ADGRB3: variants seen among roughly 807,000 people sequenced by gnomAD.
ADGRB3 encodes adhesion G protein-coupled receptor B3.
In ADGRB3, 37 loss-of-function variants were observed where a neutral mutation model predicts 193.4. The ratio of observed to expected loss-of-function variants is 0.19; its 90% CI spans 0.15 to 0.25. The LOEUF is 0.25. Among genes scored for constraint, ADGRB3 ranks in the 10% least tolerant of loss-of-function variants. The probability of loss-of-function intolerance (pLI) is 1.00; values close to 1 mark genes in which losing one functional copy is unlikely to be tolerated. For synonymous variants in ADGRB3, 690 were observed against 644.2 expected (o/e 1.07, Z -1.08); for missense variants, 1,637 against 1,852.9 (o/e 0.88, Z 2.14).
At chr6:68,807,235 C>CTTTTTTTTTTTTTTTTTTT (rs771342538) in intron 3 of ADGRB3, among the ~76,000 whole-genome samples, 9 of 100,200 alleles carry the variant, frequency 9.0e-5, no homozygotes, top group African/African-American at 1.5e-4. Flanking sequence ...TTTCTTTTTT[C>CTTTTTTTTTTTTTTTTTTT]TTTTTTTTTT....
intron 3 of ADGRB3, among the ~76,000 whole-genome samples, chr6:68,655,782 C>T (rs1194493402): frequency 6.6e-5 from 10 of 151,520 alleles, no homozygotes; most frequent in Admixed American, 5.9e-4. Flanking sequence ...AGGGTGATTG[C>T]CCCAAATGAT....
At chr6:68,792,014 G>T (rs1767117038) in intron 3 of ADGRB3, among the ~76,000 whole-genome samples, 1 of 152,084 alleles carries the variant, frequency 6.6e-6, no homozygotes, top group Non-Finnish European at 1.5e-5. Flanking sequence ...TTTATCCAGA[G>T]AAAAAATCTT....
intron 3 of ADGRB3, among the ~76,000 whole-genome samples, chr6:68,710,152 G>A (rs143714074): frequency 5.7e-4 from 87 of 152,310 alleles, no homozygotes; most frequent in African/African-American, 1.9e-3. Flanking sequence ...ACAGAGGCTG[G>A]CAAGTGGGGA....
At chr6:68,789,874 ACTTCT>A (rs1386830161) in intron 3 of ADGRB3, among the ~76,000 whole-genome samples, 4 of 151,642 alleles carry the variant, frequency 2.6e-5, no homozygotes, top group Admixed American at 2.0e-4. Flanking sequence ...GTTTCTCTAA[ACTTCT>A]CTTCTCGCTG....
chr6:69,183,876 T>G (rs924582733), intron 17 of ADGRB3, among the ~76,000 whole-genome samples: 1 of 152,106 alleles, frequency 6.6e-6, no homozygotes. Context: ...TTCCGGGACA[T>G]GGACAATGCA....
rs1768376861 is a variant in ADGRB3, at chr6:69,318,876, T to TGTA, written c.2815-5995_2815-5993dup. On this transcript the variant is annotated intron_variant, in intron 20 of 31. Transcript: ENST00000370598. ...ATGTATAACTGTATATATATATATA[T>TGTA]GTATGTATAACTATTTTCATTCCTA... 2.0e-5 allele frequency among the ~76,000 whole-genome samples: 3 copies of TGTA among 149,360 alleles called. No individual in the cohort carries two copies. The Admixed American group carries it at 2.0e-4, about 10-fold the overall frequency.
intron 20 of ADGRB3, among the ~76,000 whole-genome samples, 164 bp from the exon 21 acceptor site, chr6:69,324,708 G>T (rs527834732): frequency 2.6e-5 from 4 of 152,038 alleles, no homozygotes; most frequent in African/African-American, 9.6e-5. Flanking sequence ...AGAGCATAAA[G>T]ACTATAGGGT....
intron 5 of ADGRB3, among the ~76,000 whole-genome samples, chr6:68,940,547 CTTT>C: frequency 0.024 from 1,673 of 69,240 alleles, 61 homozygotes; most frequent in African/African-American, 0.084. Context: ...TGCTTTTGAA[CTTT>C]TTTTTTTTTT....
chr6:69,046,856 A>T (rs935499718), intron 13 of ADGRB3, among the ~76,000 whole-genome samples: 1 of 152,032 alleles, frequency 6.6e-6, no homozygotes, highest in African/African-American at 2.4e-5. Context: ...GAGGAGTGTA[A>T]TGAATTATTT....
chr6:69,155,232 C>G (rs992713906), intron 17 of ADGRB3, among the ~76,000 whole-genome samples: 1 of 152,126 alleles, frequency 6.6e-6, no homozygotes, highest in Non-Finnish European at 1.5e-5. Context: ...ATATTTCATG[C>G]CGTGACAATG....
chr6:69,035,941 G>T lies in ADGRB3; in HGVS notation c.2108-12244G>T, dbSNP rs543597822. Among the ~76,000 whole-genome samples the T allele has an allele frequency of 2.0e-4, 30 of 152,258 alleles. No homozygotes were observed. In the South Asian group the frequency reaches 6.2e-3, roughly 32 times the overall value. On this transcript the variant is annotated intron_variant, in intron 13 of 31. Coordinates refer to ENST00000370598, the MANE Select transcript of ADGRB3 (RefSeq NM_001704.3). ...TTACACAGGGAATGCATATTTTGATGAAGAGTGGGTGGAAATCCAGAGTTA... is the reference window on the plus strand; with the variant it reads ...TTACACAGGGAATGCATATTTTGATTAAGAGTGGGTGGAAATCCAGAGTTA...
intron 3 of ADGRB3, among the ~76,000 whole-genome samples, chr6:68,822,030 A>C (rs1232138511): frequency 6.6e-6 from 1 of 151,956 alleles, no homozygotes; most frequent in Non-Finnish European, 1.5e-5. Context: ...CCTAAGTTAT[A>C]CAGCTAGTAG....
rs1357528745 is a variant in ADGRB3, at chr6:69,351,761, A to C, written c.3460-2472A>C. 3.3e-5 allele frequency among the ~76,000 whole-genome samples: 5 copies of C among 152,298 alleles called. No homozygotes were observed. The East Asian group carries it at 9.7e-4, about 29-fold the overall frequency. On this transcript the variant is annotated intron_variant, in intron 26 of 31. Coordinates refer to ENST00000370598, the MANE Select transcript of ADGRB3 (RefSeq NM_001704.3). ...CTTTTACATCTCCTTCAAGCAACTAAGAGTTGATTTTGAAAAGAAACCTAC... is the reference window on the plus strand; with the variant it reads ...CTTTTACATCTCCTTCAAGCAACTACGAGTTGATTTTGAAAAGAAACCTAC...
intron 17 of ADGRB3, among the ~76,000 whole-genome samples, chr6:69,080,544 A>T (rs1401867183): frequency 6.6e-6 from 1 of 151,942 alleles, no homozygotes; most frequent in Non-Finnish European, 1.5e-5. Flanking sequence ...ATAAACCAAG[A>T]ATAGTAACCA....
At chr6:69,313,475 A>G (rs1308346614) in intron 20 of ADGRB3, among the ~76,000 whole-genome samples, 1 of 151,852 alleles carries the variant, frequency 6.6e-6, no homozygotes, top group Non-Finnish European at 1.5e-5. Flanking sequence ...CTTCAAAGTT[A>G]TACAAGAAAT....
intron 3 of ADGRB3, among the ~76,000 whole-genome samples, chr6:68,905,222 G>A (rs1219999915): frequency 6.6e-6 from 1 of 152,106 alleles, no homozygotes; most frequent in East Asian, 1.9e-4. Context: ...GTTTATTTGA[G>A]TTCTATTCCT....
intron 8 of ADGRB3, among the ~76,000 whole-genome samples, chr6:68,968,261 G>T (rs550017334): frequency 1.3e-5 from 2 of 152,102 alleles, no homozygotes; most frequent in South Asian, 4.1e-4. Flanking sequence ...AGTGGCTAAG[G>T]TTTGCAATGA....
intron 20 of ADGRB3, among the ~76,000 whole-genome samples, chr6:69,324,479 A>AT (rs1361758619): frequency 6.6e-6 from 1 of 152,154 alleles, no homozygotes. Context: ...ATTATCTGTT[A>AT]AAAGGGAAGA....
intron 3 of ADGRB3, among the ~76,000 whole-genome samples, chr6:68,738,899 A>C (rs530867050): frequency 6.6e-6 from 1 of 152,150 alleles, no homozygotes; most frequent in East Asian, 1.9e-4. Context: ...GTAAATAGAG[A>C]AGGGGTCTGA....
Sources: allele counts gnomAD v4.1 joint callset (sites outside exome capture counted in the v4.1 genomes callset), GRCh38; gene constraint gnomAD v4.1.1; transcripts MANE v1.5; gene names NCBI Gene and HGNC (gene_info 2026-07-23, HGNC 2026-07-21).